ATP13A5: variants seen among roughly 807,000 people sequenced by gnomAD.
ATP13A5 encodes ATPase 13A5.
In ATP13A5, 149 loss-of-function variants were observed where a neutral mutation model predicts 150.2. The ratio of observed to expected loss-of-function variants is 0.99; its 90% CI spans 0.87 to 1.14. The LOEUF is 1.14. ATP13A5 is among the 50% of genes most tolerant of loss of function. The probability of loss-of-function intolerance (pLI) is 0.00; values close to 1 mark genes in which losing one functional copy is unlikely to be tolerated. For synonymous variants in ATP13A5, 497 were observed against 522.2 expected, an observed-to-expected ratio of 0.95 and a Z score of 0.66; for missense variants, 1,383 against 1,449.3, an observed-to-expected ratio of 0.95 and a Z score of 0.74.
At chr3:193,285,772 C>T (rs546311460) in intron 26 of ATP13A5, among the ~76,000 whole-genome samples, 2 of 152,198 alleles carry the variant, frequency 1.3e-5, no homozygotes, top group East Asian at 1.9e-4. Flanking sequence ...CCTTTAACTG[C>T]GATATAACAT....
intron 23 of ATP13A5, among the ~76,000 whole-genome samples, chr3:193,305,335 C>T (rs1020704606): frequency 5.3e-5 from 8 of 152,184 alleles, no homozygotes; most frequent in Non-Finnish European, 8.8e-5. Context: ...CAACTGTTTA[C>T]ATGATACCCA....
At chr3:193,327,197 A>G (rs1444251738) in intron 12 of ATP13A5, 140 bp from the exon 13 acceptor site, 1 of 709,520 alleles carries the variant, frequency 1.4e-6, no homozygotes, top group Admixed American at 3.5e-5. Context: ...CAAATTTTAA[A>G]TCAGAGAGGA....
chr3:193,285,212 G>C lies in ATP13A5; in HGVS notation c.3024-96C>G. ...ATTTAATCACTACCATGGGATTTTA[G>C]CTTTCAAACTATGTCAGCCAGTAAC... On this transcript the variant is annotated intron_variant, in intron 26 of 29. Transcript: ENST00000342358. 4.0e-6 allele frequency: 4 copies of C among 1,005,348 alleles called. No homozygotes were observed. The East Asian group carries it at 7.7e-5, about 19-fold the overall frequency. The allele number at this position is 1,005,348 out of a possible 1,614,324, so 62.3% of individuals were successfully genotyped here. A position where few individuals can be genotyped will look rare whatever the true frequency, so the allele number is the denominator to read the frequency against.
rs373062003 is a variant in ATP13A5 at position 193,289,963 on chromosome 3, C to G, written c.2945G>C (p.Cys982Ser). The change falls in exon 26 of 30, where the codon TGT becomes TCT. Residue 982 changes from cysteine (C) to serine (S), a missense_variant. By Grantham distance (112) the Cys-to-Ser change is moderately radical. Around this residue, in one of 3 missense-constraint regions of ATP13A5, gnomAD observed 568 missense variants for 621.5 expected, o/e 0.91. Coordinates refer to ENST00000342358, the MANE Select transcript of ATP13A5 (RefSeq NM_198505.4). Reference protein sequence around the residue: ...PLLLSIFLNSCFSCIVQISAF... With the variant: ...PLLLSIFLNSSFSCIVQISAF... ...ACTGATCTGCACAATGCAGGAGAAA[C>G]AGGAATTCAAAAATATTGAAAGCAG... is the stretch of plus-strand genomic sequence containing the variant. 6.2e-7 allele frequency: 1 copy of G among 1,612,672 alleles called. No individual in the cohort carries two copies. The highest frequency in any genetic ancestry group is 8.5e-7 in the Non-Finnish European group (1 of 1,179,246).
intron 1 of ATP13A5, among the ~76,000 whole-genome samples, chr3:193,375,774 G>C (rs1321601650): frequency 6.6e-6 from 1 of 152,164 alleles, no homozygotes; most frequent in Admixed American, 6.5e-5. Context: ...TTCAGCTCTA[G>C]AGGCCAGTGC....
At chr3:193,341,873 C>T (rs1712142102) in intron 9 of ATP13A5, among the ~76,000 whole-genome samples, 1 of 152,084 alleles carries the variant, frequency 6.6e-6, no homozygotes, top group Non-Finnish European at 1.5e-5. Flanking sequence ...AAGAGCTTAC[C>T]AAAAAGTGGA....
chr3:193,339,373 G>A (rs1712025971), intron 9 of ATP13A5, among the ~76,000 whole-genome samples: 1 of 152,096 alleles, frequency 6.6e-6, no homozygotes, highest in Non-Finnish European at 1.5e-5. Flanking sequence ...TGGGCATTTA[G>A]TGCTATAAAT....
At chr3:193,300,193 C>T (rs1488368257) in intron 24 of ATP13A5, among the ~76,000 whole-genome samples, 1 of 152,134 alleles carries the variant, frequency 6.6e-6, no homozygotes, top group Non-Finnish European at 1.5e-5. Context: ...CTTTCCTCTT[C>T]TTTTCACCTG....
At chr3:193,295,491 T>C (rs2108833749) in intron 25 of ATP13A5, among the ~76,000 whole-genome samples, 1 of 152,142 alleles carries the variant, frequency 6.6e-6, no homozygotes, top group African/African-American at 2.4e-5. Flanking sequence ...ACTCACTACT[T>C]TCAACTTGCA....
chr3:193,314,993 T>C lies in ATP13A5; in HGVS notation c.2137A>G (p.Ile713Val). The C allele has an allele frequency of 1.2e-6, 2 of 1,613,862 alleles. No individual in the cohort carries two copies. The highest frequency in any genetic ancestry group is 1.7e-6 in the Non-Finnish European group (2 of 1,179,812). The change falls in exon 18 of 30, where the codon ATC (isoleucine) becomes GTC (valine). Residue 713 changes from isoleucine (I) to valine (V), a missense_variant. Physicochemically the swap from Ile to Val is conservative, Grantham distance 29. This residue lies in a region of ATP13A5 where 568 missense variants were observed against 621.5 expected (regional missense o/e 0.91). Transcript: ENST00000342358. ...LVLKELSEAR[I>V]RTVMITGDNL... ...ATACCTGTAATCATCACAGTCCTGA[T>C]ACGGGCCTCACTCAGTTCCTTCAAG...
chr3:193,307,357 G>A lies in ATP13A5; in HGVS notation c.2538C>T (p.Gly846=), dbSNP rs1718657135. The A allele has an allele frequency of 6.2e-7, 1 of 1,613,578 alleles. No homozygotes were observed. Among genetic ancestry groups the A allele is most frequent in the Admixed American group, 1.7e-5 (1 of 59,948 alleles). ...EEFQKLNYYV[G]MCGDGANDCG... ...AGTCGTTAGCTCCATCTCCACACATGCCCACATAATAACTGCGGGAGACAG... is the reference window on the plus strand; with the variant it reads ...AGTCGTTAGCTCCATCTCCACACATACCCACATAATAACTGCGGGAGACAG... Residue 846 remains glycine (G), a synonymous_variant, in exon 22 of 30, where the codon GGC becomes GGT. Coordinates refer to ENST00000342358, the MANE Select transcript of ATP13A5 (RefSeq NM_198505.4).
chr3:193,359,578 A>G (rs981623386), intron 5 of ATP13A5, among the ~76,000 whole-genome samples: 3 of 152,190 alleles, frequency 2.0e-5, no homozygotes, highest in African/African-American at 7.2e-5. Context: ...TGTGGTAAAC[A>G]TTGAGAATTA....
intron 5 of ATP13A5, among the ~76,000 whole-genome samples, chr3:193,356,051 C>T (rs974599735): frequency 6.6e-6 from 1 of 152,146 alleles, no homozygotes; most frequent in African/African-American, 2.4e-5. Context: ...TGTCTACCCG[C>T]TCAGTCCCTC....
At chr3:193,350,507 A>G (rs571969236) in intron 7 of ATP13A5, among the ~76,000 whole-genome samples, 3 of 152,230 alleles carry the variant, frequency 2.0e-5, no homozygotes, top group African/African-American at 4.8e-5. Context: ...TTTTTCCACA[A>G]CCCATCCCCT....
intron 16 of ATP13A5, among the ~76,000 whole-genome samples, chr3:193,321,357 G>A (rs58368852): frequency 0.096 from 14,574 of 152,146 alleles, 1,081 homozygotes; most frequent in African/African-American, 0.2. Context: ...TCGGCTGGCC[G>A]CGGTGGCTCA....
Position 193,333,774 on chromosome 3 carries a change from G to C in ATP13A5, c.1248C>G (p.Ala416=). The C allele has an allele frequency of 6.2e-7, 1 of 1,613,668 alleles. No homozygotes were observed. The highest frequency in any genetic ancestry group is 8.5e-7 in the Non-Finnish European group (1 of 1,179,798). Residue 416 remains alanine (A), a synonymous_variant, in exon 11 of 30, where the codon GCC becomes GCG. Transcript: ENST00000342358. ...ACLGVMGFFY[A]LGVYMYHGVP... ...CTCCATGGTACATATATACCCCTAGGGCATAGAAAAAACCCATGACACCAA... is the reference window on the plus strand; with the variant it reads ...CTCCATGGTACATATATACCCCTAGCGCATAGAAAAAACCCATGACACCAA...
At chr3:193,369,855 A>T (rs1181765190) in intron 1 of ATP13A5, among the ~76,000 whole-genome samples, 1 of 152,206 alleles carries the variant, frequency 6.6e-6, no homozygotes, top group Non-Finnish European at 1.5e-5. Flanking sequence ...AATGCGGCTT[A>T]AAGAGAGGTG....
intron 17 of ATP13A5, among the ~76,000 whole-genome samples, chr3:193,315,519 G>C (rs1412303851): frequency 6.6e-6 from 1 of 152,154 alleles, no homozygotes; most frequent in Non-Finnish European, 1.5e-5. Context: ...GTTGAATACA[G>C]TGTCATTCAT....
chr3:193,327,280 T>C (rs897381639), intron 12 of ATP13A5, among the ~76,000 whole-genome samples: 1 of 152,160 alleles, frequency 6.6e-6, no homozygotes, highest in Non-Finnish European at 1.5e-5. Flanking sequence ...GTGATTTCAG[T>C]TACTAATGAT....
Sources: allele counts gnomAD v4.1 joint callset (sites outside exome capture counted in the v4.1 genomes callset), GRCh38; gene constraint gnomAD v4.1.1; regional missense constraint gnomAD v4.1.1; transcripts MANE v1.5; gene names NCBI Gene and HGNC (gene_info 2026-07-23, HGNC 2026-07-21).